Variants in RHOJ observed in about 807,000 individuals in gnomAD.
The protein encoded by RHOJ is rho-related GTP-binding protein RhoJ.
Under a neutral mutation model 23.4 loss-of-function variants are expected in RHOJ, and 11 were observed. The ratio of observed to expected loss-of-function variants is 0.47; its 90% CI spans 0.30 to 0.78. RHOJ has a LOEUF of 0.78. Ranked by LOEUF, RHOJ falls within the 30% of genes least tolerant of loss-of-function variation. The probability of loss-of-function intolerance (pLI) is 0.08; values close to 1 mark genes in which losing one functional copy is unlikely to be tolerated. For missense variants in RHOJ, 254 were observed against 273.4 expected (o/e 0.93, Z 0.50); for synonymous variants, 102 against 102.7 (o/e 0.99, Z 0.04).
chr14:63,290,781 A>G (rs928718178), intron 4 of RHOJ, 97 bp from the exon 5 acceptor site: 5 of 1,233,934 alleles, frequency 4.1e-6, no homozygotes, highest in Non-Finnish European at 5.6e-6. Context: ...TGTTTGTAGG[A>G]CAGGCAGAAG....
chr14:63,204,995 C>T lies in RHOJ; in HGVS notation c.126C>T (p.Ala42=). ...VGKTCLLMSY[A]NDAFPEEYVP... ...AAACCTGCCTGCTGATGAGCTACGC[C>T]AACGACGCCTTCCCAGAGGAATACG... Residue 42 remains alanine, a synonymous_variant, in exon 1 of 5, where the codon GCC becomes GCT. Transcript: ENST00000316754. 3 of 1,614,186 alleles carry T rather than the reference C, an allele frequency of 1.9e-6. No homozygotes were observed. The highest frequency in any genetic ancestry group is 1.7e-6 in the Non-Finnish European group (2 of 1,180,034).
intron 1 of RHOJ, among the ~76,000 whole-genome samples, chr14:63,257,442 G>A (rs1343434660): frequency 6.7e-6 from 1 of 149,760 alleles, no homozygotes; most frequent in Non-Finnish European, 1.5e-5. Flanking sequence ...CAAGACTGAT[G>A]GAAGCAGAGA....
At chr14:63,284,825 G>A (rs944130963) in intron 4 of RHOJ, among the ~76,000 whole-genome samples, 2 of 152,066 alleles carry the variant, frequency 1.3e-5, no homozygotes, top group African/African-American at 4.8e-5. Flanking sequence ...ACTTCTCATT[G>A]GGGAAGTTGT....
intron 2 of RHOJ, among the ~76,000 whole-genome samples, chr14:63,279,658 A>G (rs762141764): frequency 3.9e-5 from 6 of 152,246 alleles, no homozygotes; most frequent in Non-Finnish European, 5.9e-5. Context: ...TTCCATGAGC[A>G]TATTCTGCTC....
At chr14:63,223,090 C>T (rs1002572713) in intron 1 of RHOJ, among the ~76,000 whole-genome samples, 2 of 152,112 alleles carry the variant, frequency 1.3e-5, no homozygotes, top group African/African-American at 4.8e-5. Flanking sequence ...ATCAGTGGAC[C>T]TTGAGTTTGT....
At chr14:63,255,377 C>A (rs1895144828) in intron 1 of RHOJ, among the ~76,000 whole-genome samples, 1 of 152,198 alleles carries the variant, frequency 6.6e-6, no homozygotes. Context: ...AACTGTCAAC[C>A]ACCTTAGGGG....
chr14:63,292,988 C>A lies in RHOJ; in HGVS notation c.*1964C>A, dbSNP rs1337952233. ...ACAACCTACATTTCAAGTACTATTTCCCTTCTCTCCCATCTAATTGCTAAA... is the reference window on the plus strand; with the variant it reads ...ACAACCTACATTTCAAGTACTATTTACCTTCTCTCCCATCTAATTGCTAAA... On this transcript the variant is annotated 3_prime_UTR_variant, in exon 5 of 5. Coordinates refer to ENST00000316754, the MANE Select transcript of RHOJ (RefSeq NM_020663.5). 1 of 150,944 alleles carries A rather than the reference C, an allele frequency of 6.6e-6. No homozygotes were observed. Among genetic ancestry groups the A allele is most frequent in the Admixed American group, 6.6e-5 (1 of 15,162 alleles). 9.4% of individuals were successfully genotyped at this position (150,944 alleles called of 1,614,324 possible).
chr14:63,237,774 G>A (rs187283626), intron 1 of RHOJ, among the ~76,000 whole-genome samples: 28 of 152,308 alleles, frequency 1.8e-4, no homozygotes, highest in Non-Finnish European at 3.4e-4. Context: ...TACTGGATTC[G>A]AAGGTTAGAC....
chr14:63,222,982 G>A (rs1334549681), intron 1 of RHOJ, among the ~76,000 whole-genome samples: 1 of 152,176 alleles, frequency 6.6e-6, no homozygotes, highest in East Asian at 1.9e-4. Context: ...AGGAGCTAGG[G>A]AAGGAAGGAC....
chr14:63,257,029 A>G (rs973887038), intron 1 of RHOJ, among the ~76,000 whole-genome samples: 1 of 150,266 alleles, frequency 6.7e-6, no homozygotes, highest in Non-Finnish European at 1.5e-5. Context: ...CCAAGATTGC[A>G]CCACTGCACT....
At chr14:63,257,004 G>C (rs944140749) in intron 1 of RHOJ, among the ~76,000 whole-genome samples, 12 of 151,600 alleles carry the variant, frequency 7.9e-5, no homozygotes, top group Admixed American at 2.0e-4. Context: ...CCCGGGAGGT[G>C]GAAGTTGCAG....
chr14:63,287,842 T>C (rs1333601858), intron 4 of RHOJ, among the ~76,000 whole-genome samples: 1 of 152,178 alleles, frequency 6.6e-6, no homozygotes, highest in African/African-American at 2.4e-5. Flanking sequence ...GGCTTCTAAA[T>C]ACTTGACTGT....
rs560189309 is a variant in RHOJ at position 63,207,439 on chromosome 14, A to G, written c.178+2392A>G. Among the ~76,000 whole-genome samples, 3 of 152,354 alleles carry G rather than the reference A, an allele frequency of 2.0e-5. No homozygotes were observed. In the East Asian group the frequency reaches 5.8e-4, roughly 29 times the overall value. ...CCTGGTTGAACATAAATCCTTAGGCAGTCACGTGAGAATCTACAATCAATT... is the reference window on the plus strand; with the variant it reads ...CCTGGTTGAACATAAATCCTTAGGCGGTCACGTGAGAATCTACAATCAATT... On this transcript the variant is annotated intron_variant, in intron 1 of 4. Transcript: ENST00000316754.
chr14:63,263,533 C>T (rs1424430777), intron 1 of RHOJ, among the ~76,000 whole-genome samples: 1 of 152,096 alleles, frequency 6.6e-6, no homozygotes, highest in East Asian at 1.9e-4. Flanking sequence ...AATAAAAGGG[C>T]CGAGAAGAGG....
chr14:63,263,496 C>T (rs759887927), intron 1 of RHOJ, among the ~76,000 whole-genome samples: 7 of 152,180 alleles, frequency 4.6e-5, no homozygotes, highest in Non-Finnish European at 7.4e-5. Flanking sequence ...GTGTGATCTA[C>T]TTATCTTCCT....
At position 63,211,272 on chromosome 14, in the gene RHOJ, C is replaced by T. The variant is rs560977893; in HGVS notation, c.178+6225C>T. 6.9e-4 allele frequency among the ~76,000 whole-genome samples: 105 copies of T among 152,272 alleles called. 3 individuals carry two copies. The highest frequency in any genetic ancestry group is 6.7e-3 in the Admixed American group (103 of 15,302). On this transcript the variant is annotated intron_variant, in intron 1 of 4. Coordinates refer to ENST00000316754, the MANE Select transcript of RHOJ (RefSeq NM_020663.5). ...TAAAAGGTTGTGACATAGTTCTGCT[C>T]ATTTGGGAAAATTTATTCATAAGTT... is the stretch of plus-strand genomic sequence containing the variant.
At chr14:63,211,082 A>G (rs1401204801) in intron 1 of RHOJ, among the ~76,000 whole-genome samples, 2 of 152,220 alleles carry the variant, frequency 1.3e-5, no homozygotes, top group African/African-American at 4.8e-5. Context: ...CAGAAAGCTG[A>G]AAGTCAGTTC....
At chr14:63,206,828 G>T (rs1211851557) in intron 1 of RHOJ, among the ~76,000 whole-genome samples, 1 of 152,082 alleles carries the variant, frequency 6.6e-6, no homozygotes, top group Admixed American at 6.5e-5. Context: ...TATTATTTTA[G>T]CTCCCAAGAA....
chr14:63,285,616 A>G (rs1428970092), intron 4 of RHOJ, among the ~76,000 whole-genome samples: 3 of 152,142 alleles, frequency 2.0e-5, no homozygotes, highest in African/African-American at 7.2e-5. Flanking sequence ...TTTTGCACTA[A>G]TTTATTATAA....
Sources: allele counts gnomAD v4.1 joint callset (sites outside exome capture counted in the v4.1 genomes callset), GRCh38; gene constraint gnomAD v4.1.1; transcripts MANE v1.5; gene names NCBI Gene and HGNC (gene_info 2026-07-23, HGNC 2026-07-21).